CHL1: variants seen among roughly 807,000 people sequenced by gnomAD.
CHL1 encodes cell adhesion molecule L1 like.
CHL1 carries 96 observed loss-of-function variants against 141.9 expected under a neutral mutation model. That is an observed-to-expected ratio of 0.68 (90% CI 0.57 to 0.80). The LOEUF is 0.80. Among genes scored for constraint, CHL1 ranks in the 30% least tolerant of loss-of-function variants. CHL1 has a pLI of 0.00. For missense variants in CHL1, 1,820 were observed against 1,457.2 expected (o/e 1.25, Z -4.05); for synonymous variants, 613 against 502.2 (o/e 1.22, Z -2.95).
At position 293,073 on chromosome 3, in the gene CHL1, C is replaced by T. The variant is rs896307671; in HGVS notation, c.-94-26610C>T. ...ACACAAAAACCAAATTAATGTTTAT[C>T]GAACAGTTATTTGGATATAAATACA... On this transcript the variant is annotated intron_variant, in intron 2 of 27. Transcript: ENST00000256509. Among the ~76,000 whole-genome samples, 3 of 152,276 alleles carry T rather than the reference C, an allele frequency of 2.0e-5. No homozygotes were observed. The East Asian group carries it at 5.8e-4, about 29-fold the overall frequency.
chr3:401,236 A>G (rs1186700353), intron 26 of CHL1, among the ~76,000 whole-genome samples: 1 of 152,216 alleles, frequency 6.6e-6, no homozygotes, highest in Non-Finnish European at 1.5e-5. Context: ...TAGTTTAATG[A>G]CACAGATCTA....
intron 1 of CHL1, among the ~76,000 whole-genome samples, chr3:216,375 A>G (rs1700322076): frequency 6.6e-6 from 1 of 152,224 alleles, no homozygotes; most frequent in African/African-American, 2.4e-5. Flanking sequence ...CAATTGAAAA[A>G]GTCTCTTCAC....
At position 382,622 on chromosome 3, in the gene CHL1, G is replaced by A. The variant is rs371352581; in HGVS notation, c.2127G>A (p.Gly709=). The A allele has an allele frequency of 1.2e-6, 2 of 1,613,702 alleles. No individual in the cohort carries two copies. The highest frequency in any genetic ancestry group is 2.7e-5 in the African/African-American group (2 of 74,870). ...QFRVIAVNEV[G]RSQPSQPSDH... ...GGGTCATAGCCGTGAACGAAGTAGG[G>A]AGAAGTCAGCCTAGCCAGCCGTCAG... The change falls in exon 18 of 28, where the codon GGG becomes GGA. Residue 709 remains glycine (G), a synonymous_variant. Coordinates refer to ENST00000256509, the MANE Select transcript of CHL1 (RefSeq NM_006614.4).
chr3:325,152 C>A (rs547501675), intron 3 of CHL1, among the ~76,000 whole-genome samples: 1 of 148,980 alleles, frequency 6.7e-6, no homozygotes, highest in African/African-American at 2.5e-5. Context: ...CATGAAAGAA[C>A]ATTTATTACC....
intron 2 of CHL1, among the ~76,000 whole-genome samples, chr3:313,782 T>C (rs1197383118): frequency 6.6e-6 from 1 of 152,166 alleles, no homozygotes; most frequent in African/African-American, 2.4e-5. Context: ...AGTGGAAACA[T>C]AATGCAAAGT....
rs188500047 is a variant in CHL1, at chr3:404,478, A to T, written c.3459-1017A>T. 4.8e-4 allele frequency among the ~76,000 whole-genome samples: 73 copies of T among 152,272 alleles called. 1 individual carries two copies. In the East Asian group the frequency reaches 0.013, roughly 27 times the overall value. ...TTGGTACTTAAAAAAATCTTGATCC[A>T]AAATTTAGAAGATCATACCATTTGA... On this transcript the variant is annotated intron_variant, in intron 27 of 27. Coordinates refer to ENST00000256509, the MANE Select transcript of CHL1 (RefSeq NM_006614.4).
chr3:325,143 A>G (rs1327855444), intron 3 of CHL1, among the ~76,000 whole-genome samples: 3 of 151,622 alleles, frequency 2.0e-5, no homozygotes, highest in Non-Finnish European at 2.9e-5. Flanking sequence ...AAACAAGCCC[A>G]TGAAAGAACA....
intron 19 of CHL1, among the ~76,000 whole-genome samples, chr3:389,012 C>T (rs1282034851): frequency 6.7e-6 from 1 of 150,200 alleles, no homozygotes; most frequent in Non-Finnish European, 1.5e-5. Context: ...GGACATAATC[C>T]AGGCATCTGA....
At chr3:355,828 G>A (rs1703664137) in intron 11 of CHL1, among the ~76,000 whole-genome samples, 1 of 152,178 alleles carries the variant, frequency 6.6e-6, no homozygotes, top group East Asian at 1.9e-4. Flanking sequence ...CACTGTGATG[G>A]TTTATAAACT....
At chr3:378,582 T>C (rs1374043879) in intron 16 of CHL1, among the ~76,000 whole-genome samples, 1 of 152,202 alleles carries the variant, frequency 6.6e-6, no homozygotes, top group Non-Finnish European at 1.5e-5. Context: ...CCAGATTCAC[T>C]CTCTACCAGC....
intron 27 of CHL1, 85 bp downstream of exon 27, chr3:401,783 A>G (rs971144741): frequency 2.6e-6 from 2 of 781,630 alleles, no homozygotes; most frequent in Non-Finnish European, 4.1e-6. Context: ...TATTCTTAAT[A>G]AAAAGGTTAC....
At chr3:297,666 T>G (rs915580632) in intron 2 of CHL1, among the ~76,000 whole-genome samples, 3 of 152,358 alleles carry the variant, frequency 2.0e-5, no homozygotes, top group Middle Eastern at 6.8e-3. Context: ...GTACTTGTCC[T>G]GATAGAACAC....
At chr3:378,055 G>T in intron 16 of CHL1, 113 bp downstream of exon 16, 1 of 929,288 alleles carries the variant, frequency 1.1e-6, no homozygotes, top group Non-Finnish European at 1.5e-6. Flanking sequence ...TATATTGTTA[G>T]TTTCAAATTT....
chr3:228,418 T>G (rs970502817), intron 1 of CHL1, among the ~76,000 whole-genome samples: 2 of 152,014 alleles, frequency 1.3e-5, no homozygotes, highest in Admixed American at 6.6e-5. Flanking sequence ...TATTAAGTGT[T>G]CAAGGGGATC....
intron 5 of CHL1, among the ~76,000 whole-genome samples, chr3:332,652 A>G (rs1250691098): frequency 6.6e-6 from 1 of 152,200 alleles, no homozygotes; most frequent in South Asian, 2.1e-4. Flanking sequence ...GACCAGTGAC[A>G]TGTCAACCTG....
intron 1 of CHL1, chr3:197,811 G>A (rs1446844895): frequency 4.4e-6 from 2 of 456,450 alleles, no homozygotes; most frequent in Non-Finnish European, 8.8e-6. Context: ...GAGCCCGGGG[G>A]GCTGGAGATG....
At chr3:381,397 C>G (rs1259675427) in intron 16 of CHL1, among the ~76,000 whole-genome samples, 1 of 152,154 alleles carries the variant, frequency 6.6e-6, no homozygotes. Context: ...AAGGAAGACA[C>G]TTATCTGCAG....
At chr3:198,424 C>T (rs1262109056) in intron 1 of CHL1, among the ~76,000 whole-genome samples, 5 of 152,120 alleles carry the variant, frequency 3.3e-5, no homozygotes, top group South Asian at 4.2e-4. Context: ...TGGTGGGCCC[C>T]CCGGGCTCGC....
At chr3:333,562 A>C (rs1175288994) in intron 5 of CHL1, among the ~76,000 whole-genome samples, 1 of 152,196 alleles carries the variant, frequency 6.6e-6, no homozygotes, top group African/African-American at 2.4e-5. Context: ...TATATACACG[A>C]AAAACTATTT....
Sources: gnomAD v4.1 joint callset for allele counts (sites outside exome capture counted in the v4.1 genomes callset) on GRCh38, gnomAD v4.1.1 for gene constraint, MANE v1.5 for transcripts, NCBI Gene and HGNC (gene_info 2026-07-23, HGNC 2026-07-21) for gene names.